HDAC2: variants seen among roughly 807,000 people sequenced by gnomAD.
The protein encoded by HDAC2 is YY1-associated factor 1.
In HDAC2, 5 loss-of-function variants were observed where a neutral mutation model predicts 68.5. The ratio of observed to expected loss-of-function variants is 0.07; its 90% CI spans 0.04 to 0.15. HDAC2 has a LOEUF of 0.15. HDAC2 is among the 10% of genes least tolerant of loss of function. The pLI is 1.00. For synonymous variants in HDAC2, 182 were observed against 191.3 expected (o/e 0.95, Z 0.40); for missense variants, 291 against 600.8 (o/e 0.48, Z 5.39).
At chr6:113,956,741 G>C in intron 3 of HDAC2, 48 bp from the exon 4 acceptor site, 1 of 1,361,180 alleles carries the variant, frequency 7.3e-7, no homozygotes, top group Middle Eastern at 1.8e-4. Context: ...GCAAATTAAT[G>C]AAAGCCTTTT....
Position 113,971,108 on chromosome 6 carries a change from C to T in HDAC2, c.-200G>A, listed in dbSNP as rs778754958. ...CCACCCGGCAGAGGTGCCGAAAGCTCGGAATCGGAGGTGGCAGCGGCACCA... is the reference window on the plus strand; with the variant it reads ...CCACCCGGCAGAGGTGCCGAAAGCTTGGAATCGGAGGTGGCAGCGGCACCA... On this transcript the variant is annotated 5_prime_UTR_variant, in exon 1 of 14. Coordinates refer to ENST00000519065, the MANE Select transcript of HDAC2 (RefSeq NM_001527.4). 6.5e-6 allele frequency: 10 copies of T among 1,536,766 alleles called. No homozygotes were observed. Among genetic ancestry groups the T allele is most frequent in the East Asian group, 2.5e-5 (1 of 40,150 alleles).
At chr6:113,970,795 G>A in intron 1 of HDAC2, 62 bp downstream of exon 1, 2 of 1,450,308 alleles carry the variant, frequency 1.4e-6, no homozygotes, top group Non-Finnish European at 1.8e-6. Flanking sequence ...ACTCGCGACG[G>A]CAGCCGCGGA....
At chr6:113,954,621 A>C (rs1776504112) in intron 5 of HDAC2, among the ~76,000 whole-genome samples, 1 of 152,254 alleles carries the variant, frequency 6.6e-6, no homozygotes, top group Non-Finnish European at 1.5e-5. Flanking sequence ...TCAATTAAAA[A>C]ACAAGGCAAA....
chr6:113,956,185 AT>A (rs751801042), intron 4 of HDAC2, 34 bp from the exon 5 acceptor site: 1 of 1,548,864 alleles, frequency 6.5e-7, no homozygotes, highest in South Asian at 1.2e-5. Flanking sequence ...CCTTTTAAAC[AT>A]TTATCATAAA....
intron 1 of HDAC2, 171 bp downstream of exon 1, chr6:113,970,686 A>C: frequency 2.2e-6 from 3 of 1,355,812 alleles, no homozygotes; most frequent in Non-Finnish European, 2.8e-6. Flanking sequence ...GGGCTGCGCC[A>C]GGAAGAGGGT....
chr6:113,958,795 T>C (rs777886544), intron 2 of HDAC2, 29 bp from the exon 3 acceptor site: 1 of 1,251,486 alleles, frequency 8.0e-7, no homozygotes, highest in Non-Finnish European at 1.2e-6. Flanking sequence ...GTCAGAACTG[T>C]GGAATTACAA....
At chr6:113,964,013 TG>T in intron 1 of HDAC2, among the ~76,000 whole-genome samples, 1 of 152,330 alleles carries the variant, frequency 6.6e-6, no homozygotes, top group Middle Eastern at 3.4e-3. Flanking sequence ...CCATATATTA[TG>T]TAATAGCCTA....
chr6:113,960,157 T>C, intron 1 of HDAC2, 139 bp from the exon 2 acceptor site: 1 of 642,828 alleles, frequency 1.6e-6, no homozygotes, highest in East Asian at 2.8e-5. Context: ...TAGATTTATT[T>C]TGCAACTTTC....
chr6:113,940,290 A>G lies in HDAC2; in HGVS notation c.*768T>C, dbSNP rs532152827. ...GGATGCCATGTAAATGCAGTAAAAG[A>G]AACAGGTTTTGTCTGCAGGTTCCAT... On this transcript the variant is annotated 3_prime_UTR_variant, in exon 14 of 14. Coordinates refer to ENST00000519065, the MANE Select transcript of HDAC2 (RefSeq NM_001527.4). The G allele has an allele frequency of 2.0e-5, 3 of 152,350 alleles. No homozygotes were observed. Among genetic ancestry groups the G allele is most frequent in the Admixed American group, 2.0e-4 (3 of 15,306 alleles). The allele number at this position is 152,350 out of a possible 1,614,324, so 9.4% of individuals were successfully genotyped here.
rs1263311113 is a variant in HDAC2 at position 113,958,726 on chromosome 6, T to C, written c.206A>G (p.His69Arg). 1 of 1,610,368 alleles carries C rather than the reference T, an allele frequency of 6.2e-7. No individual in the cohort carries two copies. Residue 69 changes from histidine to arginine, a missense_variant, in exon 3 of 14, where the codon CAC becomes CGC. This residue lies in a region of HDAC2 where 154 missense variants were observed against 472.1 expected (regional missense o/e 0.33). Transcript: ENST00000519065. ...KATAEEMTKYHSDEYIKFLRS... is the reference protein window; with the variant it reads ...KATAEEMTKYRSDEYIKFLRS... ...TAGAAATTTGATATACTCATCACTG[T>C]GATATTTTGTCATTTCTTCGGCAGT...
At position 113,934,907 on chromosome 6, in the gene HDAC2, A is replaced by AT. The variant is rs1357877918; in HGVS notation, c.*6150dup. Reference sequence around the variant, plus strand: ...TAGTAATACGTTGGACTTGAATTATATTTTTTCCTGGAAAATGGTATCTAG... The same window carrying AT: ...TAGTAATACGTTGGACTTGAATTATATTTTTTTCCTGGAAAATGGTATCTAG... On this transcript the variant is annotated 3_prime_UTR_variant, in exon 14 of 14. Coordinates refer to ENST00000519065, the MANE Select transcript of HDAC2 (RefSeq NM_001527.4). 2 of 152,134 alleles carry AT rather than the reference A, an allele frequency of 1.3e-5. No homozygotes were observed. The highest frequency in any genetic ancestry group is 2.9e-5 in the Non-Finnish European group (2 of 68,018). The allele number at this position is 152,134 out of a possible 1,614,324, so 9.4% of individuals were successfully genotyped here.
intron 10 of HDAC2, 29 bp from the exon 11 acceptor site, chr6:113,944,439 C>G (rs372717356): frequency 6.3e-7 from 1 of 1,595,176 alleles, no homozygotes; most frequent in African/African-American, 1.3e-5. Flanking sequence ...GTTTATTAGA[C>G]AAAATTAAAT....
rs920206664 is a variant in HDAC2, at chr6:113,937,778, G to C, written c.*3280C>G. The C allele has an allele frequency of 6.6e-6, 1 of 152,192 alleles. No homozygotes were observed. The highest frequency in any genetic ancestry group is 1.5e-5 in the Non-Finnish European group (1 of 68,056). 9.4% of individuals were successfully genotyped at this position (152,192 alleles called of 1,614,324 possible). ...GAGGTGGGAGAATACCCTAAGCCTA[G>C]AAGTTCTAAGATGTAGTGAGATATG... On this transcript the variant is annotated 3_prime_UTR_variant, in exon 14 of 14. Coordinates refer to ENST00000519065, the MANE Select transcript of HDAC2 (RefSeq NM_001527.4).
chr6:113,961,573 C>T (rs1265511117), intron 1 of HDAC2, among the ~76,000 whole-genome samples: 4 of 152,142 alleles, frequency 2.6e-5, no homozygotes, highest in African/African-American at 9.7e-5. Flanking sequence ...AATTAAGAGG[C>T]TATGATTGCA....
Position 113,936,684 on chromosome 6 carries a change from T to A in HDAC2, c.*4374A>T, listed in dbSNP as rs991226514. On this transcript the variant is annotated 3_prime_UTR_variant, in exon 14 of 14. Coordinates refer to ENST00000519065, the MANE Select transcript of HDAC2 (RefSeq NM_001527.4). ...CCCTGGCACCACTCTCACCCATCTA[T>A]CTACCTTTACCTCATAACAATAGCA... is the stretch of plus-strand genomic sequence containing the variant. 2.6e-5 allele frequency: 4 copies of A among 152,248 alleles called. No individual in the cohort carries two copies. Among genetic ancestry groups the A allele is most frequent in the Non-Finnish European group, 5.9e-5 (4 of 68,104 alleles). 9.4% of individuals were successfully genotyped at this position (152,248 alleles called of 1,614,324 possible).
At chr6:113,947,548 A>T (rs537178261) in intron 8 of HDAC2, 168 of 152,314 alleles carry the variant, frequency 1.1e-3, no homozygotes, top group African/African-American at 3.8e-3. Flanking sequence ...ATTATAAAAA[A>T]TATTAAGTAC....
intron 1 of HDAC2, among the ~76,000 whole-genome samples, chr6:113,966,497 A>G (rs1776821640): frequency 6.6e-6 from 1 of 151,190 alleles, no homozygotes; most frequent in Admixed American, 6.6e-5. Flanking sequence ...TGGAGGTTGC[A>G]GTGAGCTGGG....
intron 6 of HDAC2, among the ~76,000 whole-genome samples, chr6:113,952,482 C>T (rs10499080): frequency 0.085 from 13,012 of 152,222 alleles, 703 homozygotes; most frequent in East Asian, 0.28. Context: ...GGTTGCTAAA[C>T]TGTAATGATA....
intron 10 of HDAC2, 49 bp from the exon 11 acceptor site, chr6:113,944,459 G>A: frequency 6.7e-7 from 1 of 1,502,584 alleles, no homozygotes; most frequent in East Asian, 2.3e-5. Flanking sequence ...TTTCTTTGCA[G>A]TTCTTACATG....
Sources: gnomAD v4.1 joint callset for allele counts (sites outside exome capture counted in the v4.1 genomes callset) on GRCh38, gnomAD v4.1.1 for gene constraint, gnomAD v4.1.1 regional missense constraint, MANE v1.5 for transcripts, NCBI Gene and HGNC (gene_info 2026-07-23, HGNC 2026-07-21) for gene names.